PEBP4: variants seen among roughly 807,000 people sequenced by gnomAD.
PEBP4 encodes phosphatidylethanolamine binding protein 4, also known as phosphatidylethanolamine-binding protein 4.
PEBP4 carries 22 observed loss-of-function variants against 23.9 expected under a neutral mutation model. The ratio of observed to expected loss-of-function variants is 0.92; its 90% CI spans 0.66 to 1.31. The LOEUF (loss-of-function observed/expected upper bound fraction) is 1.31, where lower values mean the gene tolerates loss of function less well. Ranked by LOEUF, PEBP4 falls within the 40% of genes most tolerant of loss-of-function variation. PEBP4 has a pLI of 0.00. For missense variants in PEBP4, 324 were observed against 281.7 expected, an observed-to-expected ratio of 1.15 and a Z score of -1.07; for synonymous variants, 112 against 99.3, an observed-to-expected ratio of 1.13 and a Z score of -0.76.
intron 1 of PEBP4, among the ~76,000 whole-genome samples, chr8:22,934,639 C>A (rs781308468): frequency 2.6e-5 from 4 of 152,068 alleles, no homozygotes; most frequent in African/African-American, 7.2e-5. Flanking sequence ...GAGTTTGAGG[C>A]CAGCCTGGGC....
chr8:22,808,339 C>G (rs1806547040), intron 4 of PEBP4, among the ~76,000 whole-genome samples: 1 of 152,348 alleles, frequency 6.6e-6, no homozygotes, highest in Non-Finnish European at 1.5e-5. Context: ...CCACTCACCT[C>G]TATTCACCCA....
At chr8:22,760,880 T>G (rs1163146831) in intron 4 of PEBP4, among the ~76,000 whole-genome samples, 1 of 152,192 alleles carries the variant, frequency 6.6e-6, no homozygotes, top group Non-Finnish European at 1.5e-5. Flanking sequence ...CCAGGTGACC[T>G]TGAACGTGTC....
chr8:22,878,079 C>G (rs944651038), intron 3 of PEBP4: 7 of 152,286 alleles, frequency 4.6e-5, no homozygotes, highest in African/African-American at 9.7e-5. Context: ...TCCCACACCC[C>G]CCTCCAAACT....
intron 4 of PEBP4, among the ~76,000 whole-genome samples, chr8:22,736,709 C>A (rs34159233): frequency 0.22 from 33,659 of 152,092 alleles, 4,251 homozygotes; most frequent in Middle Eastern, 0.4. Context: ...CTAAAGACTG[C>A]CCTTTCTAGC....
chr8:22,871,959 C>T (rs1415383159), intron 3 of PEBP4, among the ~76,000 whole-genome samples: 1 of 152,150 alleles, frequency 6.6e-6, no homozygotes, highest in Admixed American at 6.5e-5. Flanking sequence ...CCCCAAAATC[C>T]ATTATATCAC....
intron 3 of PEBP4, among the ~76,000 whole-genome samples, chr8:22,845,897 G>A (rs76825001): frequency 0.016 from 2,386 of 152,342 alleles, 24 homozygotes; most frequent in Non-Finnish European, 0.026. Context: ...ATGAATGCGC[G>A]AAATGACTGG....
chr8:22,762,771 G>A (rs959905807), intron 4 of PEBP4, among the ~76,000 whole-genome samples: 3 of 152,140 alleles, frequency 2.0e-5, no homozygotes, highest in Non-Finnish European at 2.9e-5. Flanking sequence ...TGGGGTTGAA[G>A]GCATCAGAGA....
intron 3 of PEBP4, among the ~76,000 whole-genome samples, chr8:22,845,912 G>A (rs1444447392): frequency 1.3e-5 from 2 of 152,226 alleles, no homozygotes; most frequent in African/African-American, 4.8e-5. Flanking sequence ...GACTGGCGTG[G>A]TCAGCCAGGC....
chr8:22,715,505 C>T (rs1804398171), intron 6 of PEBP4, among the ~76,000 whole-genome samples: 1 of 152,212 alleles, frequency 6.6e-6, no homozygotes, highest in Non-Finnish European at 1.5e-5. Context: ...AGGGGGCCTT[C>T]CCCACCGTAG....
chr8:22,939,078 A>G (rs1809576941), intron 1 of PEBP4, among the ~76,000 whole-genome samples: 1 of 152,200 alleles, frequency 6.6e-6, no homozygotes, highest in African/African-American at 2.4e-5. Context: ...TTGTCTTGAA[A>G]TGTAAAAGTA....
intron 3 of PEBP4, among the ~76,000 whole-genome samples, chr8:22,877,601 G>A (rs745315745): frequency 2.2e-4 from 34 of 152,250 alleles, no homozygotes; most frequent in South Asian, 1.2e-3. Flanking sequence ...TTGGCAGCGG[G>A]GAGGAGGCTC....
rs34057411 is a variant in PEBP4 at position 22,817,683 on chromosome 8, T to C, written c.311A>G (p.Glu104Gly). The C allele has an allele frequency of 0.028, 44,877 of 1,614,146 alleles. 718 individuals carry two copies. Among genetic ancestry groups the C allele is most frequent in the South Asian group, 0.042 (3,808 of 91,088 alleles). Residue 104 changes from glutamate (E) to glycine (G), a missense_variant, in exon 4 of 7, where the codon GAA becomes GGA. Physicochemically the swap from Glu to Gly is moderately conservative, Grantham distance 98. Transcript: ENST00000256404. ...ATGTCTCCAGAATCTCTGTCTGGGTTCTGCTCTGCTAGGGGCATCTGGATC... is the reference window on the plus strand; with the variant it reads ...ATGTCTCCAGAATCTCTGTCTGGGTCCTGCTCTGCTAGGGGCATCTGGATC... ...MVDPDAPSRAEPRQRFWRHWL... is the reference protein window; with the variant it reads ...MVDPDAPSRAGPRQRFWRHWL...
intron 4 of PEBP4, among the ~76,000 whole-genome samples, chr8:22,748,171 C>G (rs1406088320): frequency 2.6e-5 from 4 of 152,146 alleles, no homozygotes; most frequent in Admixed American, 1.3e-4. Flanking sequence ...ACAGATCTCC[C>G]CAGATCTGGA....
chr8:22,743,299 T>C (rs368401252), intron 4 of PEBP4, among the ~76,000 whole-genome samples: 7 of 151,454 alleles, frequency 4.6e-5, no homozygotes, highest in African/African-American at 1.7e-4. Flanking sequence ...AGAGCTCCCT[T>C]TGGGGGAGAA....
At chr8:22,854,369 A>G (rs1228929784) in intron 3 of PEBP4, among the ~76,000 whole-genome samples, 1 of 152,160 alleles carries the variant, frequency 6.6e-6, no homozygotes, top group East Asian at 1.9e-4. Context: ...GGACACTATC[A>G]GGTCTGGCAC....
intron 4 of PEBP4, among the ~76,000 whole-genome samples, chr8:22,739,211 G>C (rs558609321): frequency 6.6e-6 from 1 of 152,238 alleles, no homozygotes; most frequent in African/African-American, 2.4e-5. Context: ...GGGATGGGGT[G>C]GGGGGCACCC....
intron 3 of PEBP4, among the ~76,000 whole-genome samples, chr8:22,830,276 C>T (rs561980208): frequency 1.7e-4 from 26 of 151,374 alleles, no homozygotes; most frequent in Middle Eastern, 3.4e-3. Flanking sequence ...ATTACAGGTG[C>T]GCACCACCAC....
chr8:22,836,687 T>A (rs1807211526), intron 3 of PEBP4, among the ~76,000 whole-genome samples: 1 of 152,216 alleles, frequency 6.6e-6, no homozygotes, highest in Non-Finnish European at 1.5e-5. Flanking sequence ...CTCTGTCCCC[T>A]CCTCAAAGTC....
At chr8:22,829,356 C>T (rs952350437) in intron 3 of PEBP4, among the ~76,000 whole-genome samples, 1 of 152,164 alleles carries the variant, frequency 6.6e-6, no homozygotes, top group Admixed American at 6.5e-5. Context: ...GCCCTCCCAC[C>T]CTTACTCATG....
Sources: allele counts gnomAD v4.1 joint callset (sites outside exome capture counted in the v4.1 genomes callset), GRCh38; gene constraint gnomAD v4.1.1; transcripts MANE v1.5; gene names NCBI Gene and HGNC (gene_info 2026-07-23, HGNC 2026-07-21).